Variants in SKAP1 observed in about 807,000 individuals in gnomAD.
SKAP1 encodes the protein src kinase associated phosphoprotein 1.
In SKAP1, 44 loss-of-function variants were observed where a neutral mutation model predicts 58.5. The observed-to-expected ratio is 0.75, with a 90% confidence interval of 0.59 to 0.97. The LOEUF (loss-of-function observed/expected upper bound fraction) is 0.97, where lower values mean the gene tolerates loss of function less well. SKAP1 is among the 50% of genes least tolerant of loss of function. The pLI is 0.00. For missense variants in SKAP1, 390 were observed against 435.2 expected (o/e 0.90, Z 0.92); for synonymous variants, 127 against 149.7 (o/e 0.85, Z 1.11).
At chr17:48,334,648 T>G (rs1178356633) in intron 4 of SKAP1, among the ~76,000 whole-genome samples, 2 of 151,752 alleles carry the variant, frequency 1.3e-5, no homozygotes, top group Non-Finnish European at 3.0e-5. Flanking sequence ...GAAATCAAGG[T>G]AAGATTGCCT....
chr17:48,444,614 G>C, the SKAP1 span, among the ~76,000 whole-genome samples: 1 of 152,164 alleles, frequency 6.6e-6, no homozygotes, highest in Admixed American at 6.5e-5. Context: ...TAAAGCTGTG[G>C]TTGCCAAGGC....
At chr17:48,289,344 C>CT (rs1191262689) in intron 4 of SKAP1, among the ~76,000 whole-genome samples, 7 of 151,798 alleles carry the variant, frequency 4.6e-5, no homozygotes, top group African/African-American at 1.5e-4. Flanking sequence ...TTCCTGCCTA[C>CT]TTTTTAAAAA....
chr17:48,290,361 C>T (rs1045751351), intron 4 of SKAP1, among the ~76,000 whole-genome samples: 1 of 152,188 alleles, frequency 6.6e-6, no homozygotes, highest in African/African-American at 2.4e-5. Context: ...ATAATCTAAG[C>T]TTACACTGAA....
intron 4 of SKAP1, among the ~76,000 whole-genome samples, chr17:48,329,580 G>A (rs1362254695): frequency 3.9e-5 from 6 of 152,152 alleles, no homozygotes; most frequent in Admixed American, 1.3e-4. Context: ...GGCGGCAGGC[G>A]CCTGTAATCC....
chr17:48,171,728 T>TA (rs2064219680), intron 9 of SKAP1, among the ~76,000 whole-genome samples: 1 of 105,498 alleles, frequency 9.5e-6, no homozygotes, highest in Non-Finnish European at 2.0e-5. Flanking sequence ...AGAGTTAGGA[T>TA]GTTAGAGTGT....
chr17:48,262,510 T>C (rs972227094), intron 4 of SKAP1, among the ~76,000 whole-genome samples: 2 of 152,258 alleles, frequency 1.3e-5, no homozygotes, highest in African/African-American at 4.8e-5. Context: ...TGTGACATTA[T>C]ATTTTATTGT....
chr17:48,256,398 T>C (rs1159709086), intron 4 of SKAP1, among the ~76,000 whole-genome samples: 1 of 152,078 alleles, frequency 6.6e-6, no homozygotes, highest in African/African-American at 2.4e-5. Flanking sequence ...AAGGTGAAAG[T>C]GGTTAGCCAA....
chr17:48,381,872 T>C (rs2067218138), intron 2 of SKAP1, among the ~76,000 whole-genome samples: 1 of 152,220 alleles, frequency 6.6e-6, no homozygotes, highest in Non-Finnish European at 1.5e-5. Flanking sequence ...ATAGTATATG[T>C]TCAATAAACA....
chr17:48,314,474 A>T (rs1433538470), intron 4 of SKAP1, among the ~76,000 whole-genome samples: 4 of 152,182 alleles, frequency 2.6e-5, no homozygotes, highest in South Asian at 2.1e-4. Context: ...GCATTTTATT[A>T]TCAGCAATTA....
chr17:48,279,404 A>G (rs1421042762), intron 4 of SKAP1, among the ~76,000 whole-genome samples: 2 of 152,162 alleles, frequency 1.3e-5, no homozygotes, highest in African/African-American at 4.8e-5. Context: ...TCACTAAGTG[A>G]CTTTTTAGTT....
chr17:48,341,227 A>G (rs7218848), intron 4 of SKAP1, among the ~76,000 whole-genome samples: 30,198 of 152,162 alleles, frequency 0.2, 3,067 homozygotes, highest in Non-Finnish European at 0.22. Context: ...CCCAGATTCC[A>G]TGATACTAAC....
At chr17:48,310,540 A>T (rs1274579109) in intron 4 of SKAP1, among the ~76,000 whole-genome samples, 1 of 152,220 alleles carries the variant, frequency 6.6e-6, no homozygotes, top group Non-Finnish European at 1.5e-5. Flanking sequence ...TAATTGTAAG[A>T]TTTATTAGAG....
At chr17:48,272,360 G>T (rs1421454351) in intron 4 of SKAP1, among the ~76,000 whole-genome samples, 1 of 151,898 alleles carries the variant, frequency 6.6e-6, no homozygotes, top group East Asian at 1.9e-4. Context: ...TCGAACTCCT[G>T]ACCTCAGGTG....
At chr17:48,261,307 T>C (rs1053921990) in intron 4 of SKAP1, among the ~76,000 whole-genome samples, 7 of 152,266 alleles carry the variant, frequency 4.6e-5, no homozygotes, top group Middle Eastern at 6.8e-3. Context: ...AAGAGTGACA[T>C]GCCTGTGACT....
At chr17:48,163,011 A>C (rs962671165) in intron 10 of SKAP1, among the ~76,000 whole-genome samples, 1 of 152,228 alleles carries the variant, frequency 6.6e-6, no homozygotes, top group African/African-American at 2.4e-5. Context: ...TTAGTCAGCC[A>C]GCAGGCTTCT....
intron 1 of SKAP1, among the ~76,000 whole-genome samples, chr17:48,402,439 C>T (rs2067510833): frequency 6.6e-6 from 1 of 151,948 alleles, no homozygotes; most frequent in Non-Finnish European, 1.5e-5. Flanking sequence ...AAGTGATTCT[C>T]GTGCCTCAGC....
intron 6 of SKAP1, among the ~76,000 whole-genome samples, chr17:48,185,646 A>G (rs1412688956): frequency 1.3e-5 from 2 of 152,182 alleles, no homozygotes; most frequent in Admixed American, 1.3e-4. Context: ...TATCATGTGA[A>G]ATGAATTGCT....
intron 8 of SKAP1, 84 bp from the exon 9 acceptor site, chr17:48,180,332 G>C (rs937860579): frequency 1.0e-6 from 1 of 987,240 alleles, no homozygotes; most frequent in Non-Finnish European, 1.5e-6. Flanking sequence ...AGGAGGAGGA[G>C]GGATGAGAGT....
intron 4 of SKAP1, among the ~76,000 whole-genome samples, chr17:48,313,256 CA>C (rs1008235855): frequency 6.6e-6 from 1 of 152,046 alleles, no homozygotes; most frequent in African/African-American, 2.4e-5. Context: ...CCCCTTCAGA[CA>C]AATTTCATCA....
Sources: gnomAD v4.1 joint callset for allele counts (sites outside exome capture counted in the v4.1 genomes callset) on GRCh38, gnomAD v4.1.1 for gene constraint, MANE v1.5 for transcripts, NCBI Gene and HGNC (gene_info 2026-07-23, HGNC 2026-07-21) for gene names.